The following ZNF670 variants were observed in gnomAD, a reference collection of about 807,000 sequenced individuals.
The protein encoded by ZNF670 is zinc finger protein 670.
A neutral mutation model predicts 10.9 loss-of-function variants in ZNF670; 7 were observed. The ratio of observed to expected loss-of-function variants is 0.64; its 90% CI spans 0.36 to 1.20. The LOEUF is 1.20. Ranked by LOEUF, ZNF670 falls within the 50% of genes most tolerant of loss-of-function variation. The pLI, the probability that ZNF670 is intolerant of heterozygous loss-of-function variation, is 0.02. For synonymous variants in ZNF670, 136 were observed against 152.7 expected, an observed-to-expected ratio of 0.89 and a Z score of 0.81; for missense variants, 446 against 458.6, an observed-to-expected ratio of 0.97 and a Z score of 0.25.
In ZNF670 at chr1:247,035,782, T is replaced by C. The variant is rs901484690; in HGVS notation, c.*1667A>G. On this transcript the variant is annotated 3_prime_UTR_variant, in exon 4 of 4. Coordinates refer to ENST00000366503, the MANE Select transcript of ZNF670 (RefSeq NM_033213.5). ...AAGGCCCCAACAATACACTGGAAAA[T>C]TGAACGTTATCAATATGGGTTGAGT... Among the ~76,000 whole-genome samples, 2 of 152,148 alleles carry C rather than the reference T, an allele frequency of 1.3e-5. No homozygotes were observed. Among genetic ancestry groups the C allele is most frequent in the Admixed American group, 6.5e-5 (1 of 15,276 alleles).
chr1:247,043,875 G>A (rs1460456592), intron 1 of ZNF670: 2 of 331,106 alleles, frequency 6.0e-6, no homozygotes, highest in Non-Finnish European at 1.2e-5. Context: ...AGGAAAAAAG[G>A]AGAATTAAAC....
intron 1 of ZNF670, among the ~76,000 whole-genome samples, chr1:247,066,644 G>T (rs12122044): frequency 0.092 from 14,050 of 152,182 alleles, 755 homozygotes; most frequent in South Asian, 0.19. Context: ...AAGTTAACCT[G>T]GAAAACTACT....
intron 1 of ZNF670, among the ~76,000 whole-genome samples, chr1:247,078,253 A>G (rs971918559): frequency 2.6e-5 from 4 of 152,106 alleles, no homozygotes; most frequent in Non-Finnish European, 4.4e-5. Flanking sequence ...GGATTTGGAG[A>G]CTTCACAGAC....
chr1:247,037,380 G>A lies in ZNF670; in HGVS notation c.*69C>T. On this transcript the variant is annotated 3_prime_UTR_variant, in exon 4 of 4. Coordinates refer to ENST00000366503, the MANE Select transcript of ZNF670 (RefSeq NM_033213.5). ...TTTTAATTTTTTCACGTGTTCTAAT[G>A]AAACTAGAATAACTGAAAGCTTTAA... The A allele has an allele frequency of 1.3e-6, 2 of 1,485,298 alleles. No individual in the cohort carries two copies. The highest frequency in any genetic ancestry group is 1.8e-6 in the Non-Finnish European group (2 of 1,115,424). 92.0% of individuals were successfully genotyped at this position (1,485,298 alleles called of 1,614,324 possible).
chr1:247,043,789 G>T (rs945409078), intron 1 of ZNF670: 2 of 369,422 alleles, frequency 5.4e-6, no homozygotes, highest in South Asian at 2.1e-5. Flanking sequence ...GCAGAAACTG[G>T]ATCGGTTTGA....
intron 1 of ZNF670, among the ~76,000 whole-genome samples, chr1:247,049,628 C>T (rs975082933): frequency 2.0e-5 from 3 of 152,144 alleles, no homozygotes; most frequent in Admixed American, 1.3e-4. Flanking sequence ...TATTTGTACT[C>T]GTTCAGACTT....
intron 1 of ZNF670, among the ~76,000 whole-genome samples, chr1:247,053,715 A>G (rs1309262278): frequency 6.6e-6 from 1 of 152,230 alleles, no homozygotes. Flanking sequence ...ATTCTGAGAA[A>G]TAAAACAGAC....
chr1:247,038,964 T>G, intron 2 of ZNF670, 94 bp from the exon 3 acceptor site: 1 of 882,828 alleles, frequency 1.1e-6, no homozygotes, highest in East Asian at 2.7e-5. Context: ...ATAACTAATT[T>G]TTTTCACCAA....
At chr1:247,044,503 C>A (rs1670393144) in intron 1 of ZNF670, among the ~76,000 whole-genome samples, 1 of 152,178 alleles carries the variant, frequency 6.6e-6, no homozygotes, top group Admixed American at 6.5e-5. Context: ...GACACATGTA[C>A]CTGTATGTTC....
chr1:247,072,840 G>GTATA (rs1671167999), intron 1 of ZNF670, among the ~76,000 whole-genome samples: 3 of 48,004 alleles, frequency 6.2e-5, no homozygotes, highest in African/African-American at 2.3e-4. Context: ...ATATATATAT[G>GTATA]CATACACACA....
intron 1 of ZNF670, among the ~76,000 whole-genome samples, chr1:247,044,389 C>G (rs1380055629): frequency 2.0e-5 from 3 of 152,162 alleles, no homozygotes; most frequent in Non-Finnish European, 4.4e-5. Flanking sequence ...TTGTGAAAAG[C>G]AGTTTGAAGA....
intron 1 of ZNF670, among the ~76,000 whole-genome samples, chr1:247,062,984 C>T (rs1270344661): frequency 6.6e-6 from 1 of 152,214 alleles, no homozygotes; most frequent in Non-Finnish European, 1.5e-5. Flanking sequence ...GGATACATCA[C>T]TCTTTACAGT....
At chr1:247,074,076 A>C (rs1671197558) in intron 1 of ZNF670, among the ~76,000 whole-genome samples, 1 of 152,202 alleles carries the variant, frequency 6.6e-6, no homozygotes, top group Non-Finnish European at 1.5e-5. Context: ...TGTGTTCTCC[A>C]GGAACAGCTT....
At chr1:247,074,117 T>G (rs918216656) in intron 1 of ZNF670, among the ~76,000 whole-genome samples, 1 of 152,226 alleles carries the variant, frequency 6.6e-6, no homozygotes, top group Non-Finnish European at 1.5e-5. Context: ...CATTATGACT[T>G]AGATGATGCT....
At chr1:247,057,619 T>C (rs561166905) in intron 1 of ZNF670, among the ~76,000 whole-genome samples, 93 of 152,312 alleles carry the variant, frequency 6.1e-4, no homozygotes, top group African/African-American at 2.1e-3. Flanking sequence ...GAAGAAAATG[T>C]AGCACATATA....
chr1:247,037,853 T>G lies in ZNF670; in HGVS notation c.766A>C (p.Lys256Gln), dbSNP rs776125630. 3 of 1,613,418 alleles carry G rather than the reference T, an allele frequency of 1.9e-6. No homozygotes were observed. Among genetic ancestry groups the G allele is most frequent in the Admixed American group, 3.3e-5 (2 of 59,892 alleles). ...SHTGEKPYEC[K>Q]ECGKAFSRST... ...CGACTGAAGGCTTTGCCACATTCCT[T>G]ACATTCATAGGGTTTCTCTCCAGTA... Residue 256 changes from lysine (K) to glutamine (Q), a missense_variant, in exon 4 of 4, where the codon AAG becomes CAG. Lys to Gln is a moderately conservative substitution (Grantham distance 53). Transcript: ENST00000366503.
In ZNF670 at chr1:247,048,923, T is replaced by C. The variant is rs116557191; in HGVS notation, c.4-9386A>G. On this transcript the variant is annotated intron_variant, in intron 1 of 3. Coordinates refer to ENST00000366503, the MANE Select transcript of ZNF670 (RefSeq NM_033213.5). ...ACCATCTCAATGCCGCTCCTTGTTA[T>C]TGGTCTGTTTAGAGTTTCTATTTAT... 5.7e-3 allele frequency among the ~76,000 whole-genome samples: 866 copies of C among 152,274 alleles called. 13 individuals carry two copies. Among genetic ancestry groups the C allele is most frequent in the African/African-American group, 0.02 (814 of 41,546 alleles).
chr1:247,038,269 G>A lies in ZNF670; in HGVS notation c.350C>T (p.Ala117Val). The A allele has an allele frequency of 6.2e-7, 1 of 1,614,162 alleles. No homozygotes were observed. The part of the protein sequence containing the change: ...VCGKVFICHS[A>V]LHRHILSHIG... ...GTGAGACAGGATGTGCCTATGAAGG[G>A]CTGAATGACATATGAAGACTTTTCC... The change falls in exon 4 of 4, where the codon GCC (alanine) becomes GTC (valine). Residue 117 changes from alanine to valine, a missense_variant. Transcript: ENST00000366503.
intron 1 of ZNF670, among the ~76,000 whole-genome samples, chr1:247,056,383 T>C (rs1336264442): frequency 6.6e-6 from 1 of 152,190 alleles, no homozygotes; most frequent in Non-Finnish European, 1.5e-5. Flanking sequence ...AAGACAACTT[T>C]TGTAAACTCT....
Sources: allele counts gnomAD v4.1 joint callset (sites outside exome capture counted in the v4.1 genomes callset), GRCh38; gene constraint gnomAD v4.1.1; transcripts MANE v1.5; gene names NCBI Gene and HGNC (gene_info 2026-07-23, HGNC 2026-07-21).